FMN1: variants seen among roughly 807,000 people sequenced by gnomAD.
FMN1 encodes formin-1.
FMN1 carries 110 observed loss-of-function variants against 132.4 expected under a neutral mutation model. The observed-to-expected ratio is 0.83, with a 90% CI of 0.71 to 0.97. The LOEUF is 0.97. Among genes scored for constraint, FMN1 ranks in the 50% least tolerant of loss-of-function variants. FMN1 has a pLI of 0.00. For synonymous variants in FMN1, 722 were observed against 651.7 expected, an observed-to-expected ratio of 1.11 and a Z score of -1.64; for missense variants, 1,792 against 1,705.3, an observed-to-expected ratio of 1.05 and a Z score of -0.90.
At chr15:32,883,804 A>C (rs1239559678) in intron 16 of FMN1, among the ~76,000 whole-genome samples, 1 of 152,190 alleles carries the variant, frequency 6.6e-6, no homozygotes, top group Non-Finnish European at 1.5e-5. Context: ...AAGTTAGGAA[A>C]TGCTGTTTTA....
intron 7 of FMN1, among the ~76,000 whole-genome samples, chr15:32,994,212 C>CCTCTCTCTCTCTCTCTCTCTCTCTCTCT (rs771176022): frequency 1.4e-5 from 2 of 146,390 alleles, no homozygotes; most frequent in Non-Finnish European, 3.0e-5. Flanking sequence ...AGAACTCATT[C>CCTCTCTCTCTCTCTCTCTCTCTCTCTCT]CTCTCTCTCT....
intron 6 of FMN1, among the ~76,000 whole-genome samples, chr15:33,027,936 G>A (rs2035757959): frequency 6.6e-6 from 1 of 152,158 alleles, no homozygotes; most frequent in African/African-American, 2.4e-5. Flanking sequence ...CTCACCACCT[G>A]TGATCCCGCT....
At chr15:33,068,020 C>G (rs550363954) in intron 5 of FMN1, 1 of 1,447,834 alleles carries the variant, frequency 6.9e-7, no homozygotes, top group East Asian at 2.5e-5. Flanking sequence ...AGCCGCACAG[C>G]AAACACACTT....
At chr15:33,067,043 C>T (rs1595392914) in intron 5 of FMN1, 3 of 1,613,862 alleles carry the variant, frequency 1.9e-6, no homozygotes, top group East Asian at 2.2e-5. Flanking sequence ...CTTCAGCACA[C>T]GAAGCCCACT....
chr15:32,883,260 T>C (rs919452478), intron 16 of FMN1, among the ~76,000 whole-genome samples: 11 of 152,082 alleles, frequency 7.2e-5, no homozygotes, highest in Admixed American at 3.3e-4. Context: ...CCTGGCACTA[T>C]GGGAGGCCAA....
intron 5 of FMN1, among the ~76,000 whole-genome samples, chr15:33,084,230 C>G (rs1169323021): frequency 6.6e-6 from 1 of 152,178 alleles, no homozygotes; most frequent in East Asian, 1.9e-4. Context: ...GCCCCAAATT[C>G]TCTCTTGTGT....
intron 17 of FMN1, among the ~76,000 whole-genome samples, chr15:32,846,245 C>G (rs1246696254): frequency 6.6e-6 from 1 of 152,134 alleles, no homozygotes. Context: ...TCTAATTAAA[C>G]TAAACAGCTT....
intron 16 of FMN1, among the ~76,000 whole-genome samples, chr15:32,875,191 G>C (rs534212320): frequency 6.6e-6 from 1 of 152,294 alleles, no homozygotes; most frequent in African/African-American, 2.4e-5. Context: ...CTTACCCTAT[G>C]AAAGTTTTCC....
chr15:32,870,111 C>T (rs2059481158), intron 16 of FMN1, among the ~76,000 whole-genome samples: 1 of 152,186 alleles, frequency 6.6e-6, no homozygotes, highest in Admixed American at 6.5e-5. Flanking sequence ...GACTTTAAAA[C>T]TGATTTAGTT....
chr15:33,018,067 G>GA (rs57158332), intron 6 of FMN1, among the ~76,000 whole-genome samples: 89 of 142,998 alleles, frequency 6.2e-4, no homozygotes, highest in South Asian at 3.5e-3. Flanking sequence ...TACCTCTCAA[G>GA]AAAAAAAAAA....
chr15:32,921,383 T>G (rs1259808872), intron 10 of FMN1, among the ~76,000 whole-genome samples: 1 of 152,022 alleles, frequency 6.6e-6, no homozygotes, highest in African/African-American at 2.4e-5. Context: ...TGCAGTGAGA[T>G]GAGATGCAGG....
At chr15:33,078,035 C>CAGTT (rs147444046) in intron 5 of FMN1, among the ~76,000 whole-genome samples, 3,751 of 152,176 alleles carry the variant, frequency 0.025, 152 homozygotes, top group African/African-American at 0.086. Flanking sequence ...AATTCTTAAA[C>CAGTT]AGAGAGCAGA....
At chr15:33,000,775 T>C (rs747567210) in intron 7 of FMN1, among the ~76,000 whole-genome samples, 7 of 152,220 alleles carry the variant, frequency 4.6e-5, no homozygotes, top group Non-Finnish European at 1.5e-5. Flanking sequence ...TATACAGCAT[T>C]CTCTTTATAG....
intron 16 of FMN1, among the ~76,000 whole-genome samples, chr15:32,881,324 T>C (rs527859032): frequency 6.6e-6 from 1 of 152,328 alleles, no homozygotes; most frequent in East Asian, 1.9e-4. Flanking sequence ...TCACCTCCTA[T>C]CACTCCTGGA....
chr15:32,841,511 T>C (rs957094885), intron 17 of FMN1, among the ~76,000 whole-genome samples: 3 of 152,192 alleles, frequency 2.0e-5, no homozygotes, highest in Non-Finnish European at 4.4e-5. Flanking sequence ...CTTTTAACTA[T>C]TTCTACACAT....
At chr15:32,883,274 C>T (rs12898602) in intron 16 of FMN1, among the ~76,000 whole-genome samples, 34,847 of 151,854 alleles carry the variant, frequency 0.23, 4,256 homozygotes, top group Non-Finnish European at 0.27. Context: ...AGGCCAAGGC[C>T]GGAGGATCGC....
At chr15:33,022,152 TA>T (rs2035445934) in intron 6 of FMN1, among the ~76,000 whole-genome samples, 1 of 152,240 alleles carries the variant, frequency 6.6e-6, no homozygotes, top group South Asian at 2.1e-4. Flanking sequence ...AAATACCTAA[TA>T]CAACGTCAAT....
chr15:32,797,868 CTT>C (rs1165682233), intron 19 of FMN1, among the ~76,000 whole-genome samples: 1 of 152,070 alleles, frequency 6.6e-6, no homozygotes, highest in Non-Finnish European at 1.5e-5. Flanking sequence ...ATGTATATAT[CTT>C]TTCTTTGATT....
chr15:33,101,635 C>G (rs941442849), intron 4 of FMN1, among the ~76,000 whole-genome samples: 7 of 152,116 alleles, frequency 4.6e-5, no homozygotes, highest in Non-Finnish European at 1.0e-4. Flanking sequence ...TATTTTAAAC[C>G]AAAAATACAG....
Sources: gnomAD v4.1 joint callset for allele counts (sites outside exome capture counted in the v4.1 genomes callset) on GRCh38, gnomAD v4.1.1 for gene constraint, MANE v1.5 for transcripts, NCBI Gene and HGNC (gene_info 2026-07-23, HGNC 2026-07-21) for gene names.